The following DMBT1 variants were observed in gnomAD, a reference collection of about 807,000 sequenced individuals.
DMBT1 encodes deleted in malignant brain tumors 1.
In DMBT1, 198 loss-of-function variants were observed where a neutral mutation model predicts 252.9. The observed-to-expected ratio is 0.78, with a 90% CI of 0.70 to 0.88. The LOEUF is 0.88. Among genes scored for constraint, DMBT1 ranks in the 40% least tolerant of loss-of-function variants. DMBT1 has a pLI of 0.00. For missense variants in DMBT1, 2,432 were observed against 2,404.7 expected (o/e 1.01, Z -0.24); for synonymous variants, 990 against 942.7 (o/e 1.05, Z -0.92).
At chr10:122,619,112 C>T (rs1009808438) in intron 41 of DMBT1, among the ~76,000 whole-genome samples, 196 bp from the exon 42 acceptor site, 1 of 152,202 alleles carries the variant, frequency 6.6e-6, no homozygotes, top group Non-Finnish European at 1.5e-5. Flanking sequence ...TCGGAGCTGA[C>T]AATAGTGGCC....
At chr10:122,590,357 A>T (rs530300142) in intron 17 of DMBT1, among the ~76,000 whole-genome samples, 3 of 148,848 alleles carry the variant, frequency 2.0e-5, no homozygotes, top group African/African-American at 7.3e-5. Flanking sequence ...TTTTTGCTGG[A>T]GTGGCCTCTT....
intron 44 of DMBT1, among the ~76,000 whole-genome samples, chr10:122,621,834 A>G (rs1346268290): frequency 6.6e-6 from 1 of 152,230 alleles, no homozygotes; most frequent in Non-Finnish European, 1.5e-5. Flanking sequence ...GATTGGAGGC[A>G]TATGGGCTAA....
In DMBT1 at chr10:122,598,955, C is replaced by A. The variant is rs2097912392; in HGVS notation, c.3138C>A (p.Ala1046=). The A allele has an allele frequency of 6.2e-7, 1 of 1,613,756 alleles. No individual in the cohort carries two copies. Among genetic ancestry groups the A allele is most frequent in the South Asian group, 1.1e-5 (1 of 91,070 alleles). The part of the protein sequence containing the change: ...CGWAMSAPGN[A]RFGQGSGPIV... ...GGGCCATGTCAGCCCCAGGAAATGC[C>A]CGGTTTGGTCAGGGCTCAGGACCCA... The change falls in exon 26 of 56, where the codon GCC becomes GCA. Residue 1046 remains alanine (A), a synonymous_variant. Transcript: ENST00000338354.
In DMBT1 at chr10:122,598,941, G is replaced by A. The variant is rs752244455; in HGVS notation, c.3124G>A (p.Ala1042Thr). Residue 1042 changes from alanine (A) to threonine (T), a missense_variant, in exon 26 of 56, where the codon GCC (alanine) becomes ACC (threonine). By Grantham distance (58) the Ala-to-Thr change is moderately conservative. This residue lies in a region of DMBT1 where 1,264 missense variants were observed against 1,082.2 expected (regional missense o/e 1.17). Coordinates refer to ENST00000338354, the MANE Select transcript of DMBT1 (RefSeq NM_001377530.1). The part of the protein sequence containing the change: ...RQLGCGWAMS[A>T]PGNARFGQGS... The stretch of plus-strand genomic sequence containing the variant: ...ACTGGGCTGTGGCTGGGCCATGTCA[G>A]CCCCAGGAAATGCCCGGTTTGGTCA... The A allele has an allele frequency of 6.2e-7, 1 of 1,613,794 alleles. No individual in the cohort carries two copies. Among genetic ancestry groups the A allele is most frequent in the South Asian group, 1.1e-5 (1 of 91,076 alleles).
chr10:122,598,111 C>T (rs3980983), intron 25 of DMBT1, 99 bp downstream of exon 25: 1 of 1,552,260 alleles, frequency 6.4e-7, no homozygotes, highest in Non-Finnish European at 8.9e-7. Flanking sequence ...GGGCCCCTCT[C>T]TTTTTCATGT....
intron 7 of DMBT1, 52 bp downstream of exon 7, chr10:122,576,774 C>A: frequency 1.2e-6 from 2 of 1,606,106 alleles, no homozygotes; most frequent in Middle Eastern, 1.7e-4. Flanking sequence ...TGCCTTTAAT[C>A]CCCACACTTT....
At position 122,572,088 on chromosome 10, in the gene DMBT1, G is replaced by C. The variant is rs553419192; in HGVS notation, c.188-226G>C. ...TTGAATAGAGGCTGTGGCAGCAGAA[G>C]AGGTTGGGGGAGGGTAAGGAGAACA... On this transcript the variant is annotated intron_variant, in intron 4 of 55. Transcript: ENST00000338354. 8.5e-5 allele frequency among the ~76,000 whole-genome samples: 13 copies of C among 152,348 alleles called. No homozygotes were observed. In the East Asian group the frequency reaches 1.3e-3, roughly 16 times the overall value.
rs184219040 is a variant in DMBT1, at chr10:122,579,883, G to A, written c.985G>A (p.Ala329Thr). The change falls in exon 10 of 56, where the codon GCT (alanine) becomes ACT (threonine). Residue 329 changes from alanine (A) to threonine (T), a missense_variant. Transcript: ENST00000338354. The stretch of plus-strand genomic sequence containing the variant: ...CCACAACTGTGGCCATAGTGAAGAC[G>A]CTGGTGTCATCTGCTCAGGTGGGCC... Reference protein sequence around the residue: ...LTHNCGHSEDAGVICSAPQSR... With the variant: ...LTHNCGHSEDTGVICSAPQSR... 7.0e-4 allele frequency: 1,135 copies of A among 1,613,830 alleles called. 9 individuals carry two copies. In the African/African-American group the frequency reaches 0.012, roughly 17 times the overall value.
intron 17 of DMBT1, 51 bp from the exon 18 acceptor site, chr10:122,590,614 T>G: frequency 2.5e-6 from 4 of 1,578,284 alleles, no homozygotes; most frequent in Non-Finnish European, 3.5e-6. Context: ...TTTGTTCTGG[T>G]TTTGCCAGCT....
intron 6 of DMBT1, among the ~76,000 whole-genome samples, 199 bp from the exon 7 acceptor site, chr10:122,576,200 C>A (rs1221266610): frequency 6.6e-6 from 1 of 152,134 alleles, no homozygotes; most frequent in African/African-American, 2.4e-5. Context: ...AGCTGAAGCT[C>A]TAAGGCTTGG....
chr10:122,630,906 G>A lies in DMBT1; in HGVS notation c.6026-55G>A, dbSNP rs540806241. 20 of 1,536,748 alleles carry A rather than the reference G, an allele frequency of 1.3e-5. No homozygotes were observed. The Admixed American group carries it at 3.1e-4, about 24-fold the overall frequency. On this transcript the variant is annotated intron_variant, in intron 48 of 55. Transcript: ENST00000338354. ...GGATGCTTGGCCTTTGAGGTTTGTT[G>A]TGGGACATTTGTTGTGGGACATGGC...
intron 7 of DMBT1, 33 bp downstream of exon 7, chr10:122,576,755 G>T (rs1443867095): frequency 6.2e-7 from 1 of 1,612,748 alleles, no homozygotes; most frequent in Non-Finnish European, 8.5e-7. Flanking sequence ...GGTTGGGTGT[G>T]GTGGCTCATG....
Position 122,586,134 on chromosome 10 carries a change from C to T in DMBT1, c.1534C>T (p.Arg512Ter), listed in dbSNP as rs762059442. 7.2e-5 allele frequency: 114 copies of T among 1,588,870 alleles called. 16 individuals are homozygous for T. The highest frequency in any genetic ancestry group is 8.6e-5 in the Non-Finnish European group (100 of 1,166,026). ...RCQGRVEVLYRGSWGTVCDDS... is the reference protein window; with the variant it reads ...RCQGRVEVLY The stretch of plus-strand genomic sequence containing the variant: ...TCAGGGCCGAGTGGAGGTCCTATAC[C>T]GAGGCTCCTGGGGCACCGTGTGTGA... The change falls in exon 16 of 56, where the codon CGA (arginine) becomes TGA (stop). Residue 512 changes from arginine to a stop codon, truncating the protein, a stop_gained. Coordinates refer to ENST00000338354, the MANE Select transcript of DMBT1 (RefSeq NM_001377530.1). LOFTEE classifies it high-confidence loss of function.
intron 10 of DMBT1, 136 bp from the exon 11 acceptor site, chr10:122,580,730 G>A (rs2097761357): frequency 2.3e-6 from 3 of 1,299,306 alleles, no homozygotes; most frequent in Non-Finnish European, 3.3e-6. Context: ...GGATGTGCAT[G>A]GCAATGTCCC....
chr10:122,635,276 A>G (rs533598276), intron 52 of DMBT1, among the ~76,000 whole-genome samples: 2 of 152,272 alleles, frequency 1.3e-5, no homozygotes, highest in East Asian at 1.9e-4. Flanking sequence ...CTTGCCCAGT[A>G]TTTATTTATT....
chr10:122,579,974 T>A lies in DMBT1; in HGVS notation c.1003+73T>A. The A allele has an allele frequency of 1.9e-6, 3 of 1,605,832 alleles. No individual in the cohort carries two copies. In the South Asian group the frequency reaches 3.3e-5, roughly 18 times the overall value. ...CCAAAAGAAACTCCTAATTACATTCTGATCTCCTCACTCAAAGCTTCTATG... is the reference window on the plus strand; with the variant it reads ...CCAAAAGAAACTCCTAATTACATTCAGATCTCCTCACTCAAAGCTTCTATG... On this transcript the variant is annotated intron_variant, in intron 10 of 55. Coordinates refer to ENST00000338354, the MANE Select transcript of DMBT1 (RefSeq NM_001377530.1).
intron 19 of DMBT1, 138 bp from the exon 20 acceptor site, chr10:122,592,134 C>G: frequency 1.4e-6 from 2 of 1,384,556 alleles, no homozygotes; most frequent in South Asian, 1.4e-5. Context: ...GAAGCTGAAC[C>G]TCTGGTTGCA....
chr10:122,630,923 G>A, intron 48 of DMBT1, 38 bp from the exon 49 acceptor site: 1 of 1,556,298 alleles, frequency 6.4e-7, no homozygotes, highest in Middle Eastern at 1.7e-4. Flanking sequence ...ATTTGTTGTG[G>A]GACATGGCCA....
chr10:122,592,202 A>G, intron 19 of DMBT1, 70 bp from the exon 20 acceptor site: 1 of 1,560,414 alleles, frequency 6.4e-7, no homozygotes, highest in Non-Finnish European at 8.7e-7. Context: ...AAGTACCCTG[A>G]GTGTGGAACG....
Sources: gnomAD v4.1 joint callset for allele counts (sites outside exome capture counted in the v4.1 genomes callset) on GRCh38, gnomAD v4.1.1 for gene constraint, gnomAD v4.1.1 regional missense constraint, MANE v1.5 for transcripts, NCBI Gene and HGNC (gene_info 2026-07-23, HGNC 2026-07-21) for gene names.